The following SGCD variants were observed in gnomAD, a reference collection of about 807,000 sequenced individuals.
SGCD encodes the protein delta-sarcoglycan.
Under a neutral mutation model 36.6 loss-of-function variants are expected in SGCD, and 18 were observed. The ratio of observed to expected loss-of-function variants is 0.49; its 90% CI spans 0.34 to 0.73. SGCD has a LOEUF of 0.73. Ranked by LOEUF, SGCD falls within the 30% of genes least tolerant of loss-of-function variation. The pLI is 0.01. For synonymous variants in SGCD, 133 were observed against 130.6 expected (o/e 1.02, Z -0.12); for missense variants, 387 against 346.7 (o/e 1.12, Z -0.92).
At chr5:156,081,059 T>C (rs560927681) in intron 1 of SGCD, among the ~76,000 whole-genome samples, 18 of 152,322 alleles carry the variant, frequency 1.2e-4, no homozygotes, top group Admixed American at 4.6e-4. Context: ...TTCTATAGGC[T>C]GTACAGGAGG....
At chr5:155,975,609 C>CCTTTTTTTTTTTTTTTTTT (rs1758096365) in intron 1 of SGCD, among the ~76,000 whole-genome samples, 4 of 28,008 alleles carry the variant, frequency 1.4e-4, no homozygotes, top group Non-Finnish European at 2.1e-4. Context: ...TCTTTCTTTC[C>CCTTTTTTTTTTTTTTTTTT]TTTTTTTTTT....
chr5:156,326,369 C>T (rs1178215355), upstream of SGCD, among the ~76,000 whole-genome samples: 1 of 152,154 alleles, frequency 6.6e-6, no homozygotes, highest in Non-Finnish European at 1.5e-5. Context: ...TTCTATTTTC[C>T]ATAACCATAA....
intron 3 of SGCD, among the ~76,000 whole-genome samples, chr5:156,478,431 C>T (rs1032219008): frequency 1.6e-4 from 24 of 152,128 alleles, no homozygotes; most frequent in African/African-American, 4.3e-4. Flanking sequence ...AGACCTCTTG[C>T]GATTACTGAG....
At chr5:156,365,890 A>G (rs551516264) in intron 3 of SGCD, among the ~76,000 whole-genome samples, 1 of 137,314 alleles carries the variant, frequency 7.3e-6, no homozygotes, top group South Asian at 2.7e-4. Flanking sequence ...ATGCATATAC[A>G]TGTATACATA....
At chr5:156,272,658 G>C (rs1000289213) in intron 3 of SGCD, among the ~76,000 whole-genome samples, 3 of 152,188 alleles carry the variant, frequency 2.0e-5, no homozygotes, top group Non-Finnish European at 4.4e-5. Flanking sequence ...CCTTCTTGCT[G>C]TCTGCTAAAA....
At chr5:156,153,433 A>G (rs1816398) in intron 3 of SGCD, among the ~76,000 whole-genome samples, 49,878 of 151,326 alleles carry the variant, frequency 0.33, 9,081 homozygotes, top group Admixed American at 0.41. Flanking sequence ...CGGATCTTCA[A>G]GAAAATAAGT....
the SGCD span, among the ~76,000 whole-genome samples, chr5:155,835,948 C>T: frequency 2.0e-5 from 3 of 152,216 alleles, no homozygotes; most frequent in East Asian, 5.8e-4. Flanking sequence ...GCCTACCCAC[C>T]CTTTACTGTC....
At chr5:155,876,010 TG>T (rs1755760116) in intron 1 of SGCD, among the ~76,000 whole-genome samples, 2 of 151,960 alleles carry the variant, frequency 1.3e-5, no homozygotes, top group Admixed American at 6.5e-5. Flanking sequence ...TTTTCAAAGT[TG>T]TTTTTTTTTT....
intron 1 of SGCD, among the ~76,000 whole-genome samples, chr5:156,094,646 C>T (rs572581635): frequency 1.3e-5 from 2 of 152,264 alleles, no homozygotes; most frequent in Admixed American, 6.5e-5. Context: ...GGGCTCATAG[C>T]TGTAAGCCCT....
At chr5:156,389,157 T>C (rs1342303187) in intron 3 of SGCD, among the ~76,000 whole-genome samples, 3 of 152,250 alleles carry the variant, frequency 2.0e-5, no homozygotes, top group African/African-American at 7.2e-5. Context: ...CTGCATTTTA[T>C]TCCCCTGGGA....
chr5:155,831,124 G>A, the SGCD span, among the ~76,000 whole-genome samples: 1 of 152,186 alleles, frequency 6.6e-6, no homozygotes, highest in Non-Finnish European at 1.5e-5. Flanking sequence ...GCTAGAAGAG[G>A]TGGAGCTTGT....
At chr5:156,163,956 G>C (rs1049627059) in intron 3 of SGCD, among the ~76,000 whole-genome samples, 2 of 149,624 alleles carry the variant, frequency 1.3e-5, no homozygotes, top group Non-Finnish European at 2.9e-5. Flanking sequence ...CCAGGAGGTG[G>C]AGCTTGCAGT....
At chr5:156,430,802 G>C (rs972050308) in intron 3 of SGCD, among the ~76,000 whole-genome samples, 1 of 152,182 alleles carries the variant, frequency 6.6e-6, no homozygotes, top group African/African-American at 2.4e-5. Context: ...TTTCCCAGAT[G>C]TGGTTGTAGT....
At chr5:156,282,510 A>G (rs1290194782) in intron 3 of SGCD, among the ~76,000 whole-genome samples, 1 of 152,208 alleles carries the variant, frequency 6.6e-6, no homozygotes, top group Admixed American at 6.5e-5. Flanking sequence ...TGCTTAAATA[A>G]TATTTTCAAC....
intron 3 of SGCD, among the ~76,000 whole-genome samples, chr5:156,351,635 C>T (rs903533853): frequency 6.6e-6 from 1 of 151,932 alleles, no homozygotes; most frequent in African/African-American, 2.4e-5. Flanking sequence ...TCATCATCAT[C>T]ATCATCATCA....
intron 3 of SGCD, among the ~76,000 whole-genome samples, chr5:156,143,399 A>G (rs1762621963): frequency 1.3e-5 from 2 of 152,196 alleles, no homozygotes; most frequent in Non-Finnish European, 2.9e-5. Context: ...CCCCATAGAG[A>G]GTCCCCACTG....
At chr5:155,886,191 C>T (rs978641663) in intron 1 of SGCD, among the ~76,000 whole-genome samples, 9 of 151,980 alleles carry the variant, frequency 5.9e-5, no homozygotes, top group South Asian at 2.1e-4. Context: ...AAAGAGGTAA[C>T]GTTGAAAAAA....
At chr5:156,461,073 G>A (rs1037649979) in intron 3 of SGCD, among the ~76,000 whole-genome samples, 6 of 152,100 alleles carry the variant, frequency 3.9e-5, no homozygotes, top group Non-Finnish European at 7.4e-5. Flanking sequence ...ACACAAAACC[G>A]TTTTCTTTTG....
At chr5:156,542,494 C>T (rs1310825553) in intron 4 of SGCD, among the ~76,000 whole-genome samples, 1 of 152,130 alleles carries the variant, frequency 6.6e-6, no homozygotes, top group African/African-American at 2.4e-5. Flanking sequence ...ATTCTGGAGC[C>T]AGAAGTGCAA....
Sources: gnomAD v4.1 joint callset for allele counts (sites outside exome capture counted in the v4.1 genomes callset) on GRCh38, gnomAD v4.1.1 for gene constraint, MANE v1.5 for transcripts, NCBI Gene and HGNC (gene_info 2026-07-23, HGNC 2026-07-21) for gene names.